Variants in NFIA observed in about 807,000 individuals in gnomAD.
NFIA encodes nuclear factor I A, also known as nuclear factor 1 A-type.
A neutral mutation model predicts 62.8 loss-of-function variants in NFIA; 8 were observed. The observed-to-expected ratio is 0.13, with a 90% CI of 0.07 to 0.23. The LOEUF (loss-of-function observed/expected upper bound fraction) is 0.23. Among genes scored for constraint, NFIA ranks in the 10% least tolerant of loss-of-function variants. The pLI, the probability that NFIA is intolerant of heterozygous loss-of-function variation, is 1.00. For synonymous variants in NFIA, 235 were observed against 238.1 expected (o/e 0.99, Z 0.12); for missense variants, 410 against 642.1 (o/e 0.64, Z 3.91).
In NFIA at chr1:61,394,178, C is replaced by T. The variant is rs114560617; in HGVS notation, c.1076-9926C>T. Among the ~76,000 whole-genome samples, 958 of 152,182 alleles carry T rather than the reference C, an allele frequency of 6.3e-3. 9 individuals carry two copies. The highest frequency in any genetic ancestry group is 0.021 in the African/African-American group (887 of 41,534). ...AAATTGCGCTATTCTTTCTTACCCC[C>T]CTCTGCCCCACCCAAGACAGAGTCT... is the stretch of plus-strand genomic sequence containing the variant. On this transcript the variant is annotated intron_variant, in intron 7 of 10. Transcript: ENST00000403491.
chr1:61,193,484 G>A (rs1469359436), intron 2 of NFIA, among the ~76,000 whole-genome samples: 1 of 152,116 alleles, frequency 6.6e-6, no homozygotes, highest in African/African-American at 2.4e-5. Flanking sequence ...AAAGAGAGAG[G>A]GAATAGCTCC....
chr1:61,255,446 C>T (rs1384695859), intron 2 of NFIA, among the ~76,000 whole-genome samples: 3 of 152,138 alleles, frequency 2.0e-5, no homozygotes, highest in Non-Finnish European at 4.4e-5. Context: ...TTGCATTATG[C>T]GTTACTTTCT....
intron 6 of NFIA, among the ~76,000 whole-genome samples, chr1:61,379,402 C>CTATTTTTTTT (rs1410203326): frequency 1.0e-5 from 1 of 98,264 alleles, no homozygotes. Context: ...TTTTCTTTTT[C>CTATTTTTTTT]TTTTTTTTTT....
chr1:61,087,112 A>G (rs936018757), intron 1 of NFIA, among the ~76,000 whole-genome samples: 4 of 152,154 alleles, frequency 2.6e-5, no homozygotes, highest in Non-Finnish European at 5.9e-5. Flanking sequence ...AATGTCATGT[A>G]TAAGGATCAA....
At chr1:61,429,718 A>G (rs538828021) in intron 10 of NFIA, among the ~76,000 whole-genome samples, 1 of 152,372 alleles carries the variant, frequency 6.6e-6, no homozygotes, top group Admixed American at 6.5e-5. Flanking sequence ...TATACATAGA[A>G]TGGAATATTA....
intron 4 of NFIA, among the ~76,000 whole-genome samples, chr1:61,336,592 T>A (rs1661620984): frequency 6.6e-6 from 1 of 152,238 alleles, no homozygotes; most frequent in African/African-American, 2.4e-5. Context: ...GACAAATGCA[T>A]AGTGATGGGT....
intron 3 of NFIA, among the ~76,000 whole-genome samples, chr1:61,282,645 T>C (rs896531022): frequency 5.3e-5 from 8 of 152,122 alleles, no homozygotes; most frequent in Admixed American, 5.2e-4. Context: ...TAGGCCAGCG[T>C]TGGCACTCTG....
At chr1:61,343,950 CTT>C (rs1206660031) in intron 4 of NFIA, among the ~76,000 whole-genome samples, 1 of 152,204 alleles carries the variant, frequency 6.6e-6, no homozygotes, top group Non-Finnish European at 1.5e-5. Flanking sequence ...ACACTGGTTT[CTT>C]TTTCCATGCA....
chr1:61,358,702 C>A (rs925376345), intron 5 of NFIA, among the ~76,000 whole-genome samples: 3 of 152,088 alleles, frequency 2.0e-5, no homozygotes, highest in African/African-American at 7.2e-5. Flanking sequence ...CCAAGCTTTT[C>A]CTGAAGGATC....
intron 6 of NFIA, among the ~76,000 whole-genome samples, chr1:61,370,746 G>A (rs547334714): frequency 1.3e-5 from 2 of 152,228 alleles, no homozygotes; most frequent in African/African-American, 2.4e-5. Flanking sequence ...GTGAATGTTC[G>A]GTATTTATTC....
intron 9 of NFIA, among the ~76,000 whole-genome samples, chr1:61,413,196 A>G (rs1356602916): frequency 6.6e-6 from 1 of 152,178 alleles, no homozygotes; most frequent in African/African-American, 2.4e-5. Flanking sequence ...TACCTTTATT[A>G]TTTATTTTTA....
At chr1:61,238,570 T>C (rs1276080377) in intron 2 of NFIA, among the ~76,000 whole-genome samples, 1 of 152,178 alleles carries the variant, frequency 6.6e-6, no homozygotes, top group African/African-American at 2.4e-5. Context: ...TGGTTTCAGC[T>C]TGAATTATCT....
intron 2 of NFIA, among the ~76,000 whole-genome samples, chr1:61,198,786 C>G (rs1375257827): frequency 6.6e-6 from 1 of 152,202 alleles, no homozygotes; most frequent in Non-Finnish European, 1.5e-5. Context: ...TGTTCCTGAA[C>G]CTGGATGCCC....
chr1:61,127,818 T>G (rs567056847), intron 2 of NFIA, among the ~76,000 whole-genome samples: 3 of 152,336 alleles, frequency 2.0e-5, no homozygotes, highest in African/African-American at 7.2e-5. Context: ...TTCTTTGTTT[T>G]AGATTATAAG....
intron 2 of NFIA, among the ~76,000 whole-genome samples, chr1:61,183,501 TAAA>T (rs1650897511): frequency 1.3e-5 from 2 of 152,198 alleles, no homozygotes; most frequent in Non-Finnish European, 2.9e-5. Flanking sequence ...TAACCATCAC[TAAA>T]AGGGTGGGAA....
chr1:61,152,661 ATG>A (rs770083440), intron 2 of NFIA, among the ~76,000 whole-genome samples: 40 of 152,048 alleles, frequency 2.6e-4, no homozygotes, highest in Non-Finnish European at 2.1e-4. Flanking sequence ...TTTCTGTGGA[ATG>A]TGTTGCTTTG....
At chr1:61,257,544 T>C (rs1238341438) in intron 2 of NFIA, among the ~76,000 whole-genome samples, 1 of 152,018 alleles carries the variant, frequency 6.6e-6, no homozygotes, top group Non-Finnish European at 1.5e-5. Flanking sequence ...TTCACCATGT[T>C]AGCCAGGATG....
At chr1:61,205,803 A>G (rs1652853506) in intron 2 of NFIA, among the ~76,000 whole-genome samples, 2 of 152,082 alleles carry the variant, frequency 1.3e-5, no homozygotes, top group South Asian at 2.1e-4. Flanking sequence ...TCAGTGTTTC[A>G]GCACTGACAC....
chr1:61,441,870 C>A (rs534964586), intron 10 of NFIA, among the ~76,000 whole-genome samples: 111 of 152,056 alleles, frequency 7.3e-4, no homozygotes, highest in African/African-American at 2.6e-3. Flanking sequence ...GAAGATGTAC[C>A]AAACTCCCTT....
Sources: allele counts gnomAD v4.1 joint callset (sites outside exome capture counted in the v4.1 genomes callset), GRCh38; gene constraint gnomAD v4.1.1; transcripts MANE v1.5; gene names NCBI Gene and HGNC (gene_info 2026-07-23, HGNC 2026-07-21).